RIF1: variants seen among roughly 807,000 people sequenced by gnomAD.
RIF1 encodes the protein telomere-associated protein RIF1.
A neutral mutation model predicts 247.1 loss-of-function variants in RIF1; 45 were observed. The observed-to-expected ratio is 0.18, with a 90% CI of 0.14 to 0.23. The LOEUF (loss-of-function observed/expected upper bound fraction) is 0.23. RIF1 is among the 10% of genes least tolerant of loss of function. The pLI, the probability that RIF1 is intolerant of heterozygous loss-of-function variation, is 1.00. For synonymous variants in RIF1, 1,087 were observed against 978.8 expected (o/e 1.11, Z -2.06); for missense variants, 2,967 against 2,862.5 (o/e 1.04, Z -0.83).
intron 26 of RIF1, among the ~76,000 whole-genome samples, chr2:151,460,354 C>A (rs559943248): frequency 6.6e-6 from 1 of 152,286 alleles, no homozygotes; most frequent in South Asian, 2.1e-4. Flanking sequence ...GCAACTGTTA[C>A]ATGTAGTTAT....
downstream of RIF1, chr2:151,485,468 T>C: frequency 4.0e-6 from 1 of 251,050 alleles, no homozygotes; most frequent in Non-Finnish European, 7.5e-6. Context: ...TATTTTTCCT[T>C]TAATGTGTTT....
chr2:151,415,915 G>C (rs1687148052), intron 4 of RIF1, among the ~76,000 whole-genome samples: 1 of 152,112 alleles, frequency 6.6e-6, no homozygotes, highest in East Asian at 1.9e-4. Flanking sequence ...CATGATTGCT[G>C]TAAAAAGGGA....
At chr2:151,456,687 T>C in intron 23 of RIF1, 67 bp downstream of exon 23, 1 of 928,858 alleles carries the variant, frequency 1.1e-6, no homozygotes, top group Non-Finnish European at 1.6e-6. Context: ...TTAGATAATT[T>C]TCTTAAACAT....
the RIF1 span, chr2:151,534,323 C>G: frequency 6.2e-7 from 1 of 1,610,846 alleles, no homozygotes; most frequent in Non-Finnish European, 8.5e-7. Context: ...ATTTTTTCTG[C>G]TCAAACATCA....
Position 151,434,181 on chromosome 2 carries a change from AAG to A in RIF1, c.1077+959_1077+960del, listed in dbSNP as rs890005475. On this transcript the variant is annotated intron_variant, in intron 10 of 35. Transcript: ENST00000444746. Reference sequence around the variant, plus strand: ...AGACTCCATCTCAAAAAAAAAAAAAAAGAGAGAAATCAAGTGCTACACTGGGT... The same window carrying A: ...AGACTCCATCTCAAAAAAAAAAAAAAAGAGAAATCAAGTGCTACACTGGGT... 1.3e-4 allele frequency among the ~76,000 whole-genome samples: 19 copies of A among 147,320 alleles called. No individual in the cohort carries two copies. The South Asian group carries it at 1.7e-3, about 13-fold the overall frequency.
chr2:151,410,134 C>T, intron 1 of RIF1, 101 bp downstream of exon 1: 1 of 680,058 alleles, frequency 1.5e-6, no homozygotes, highest in Non-Finnish European at 2.7e-6. Context: ...CCGGGCTTCT[C>T]CCGCCCTCCG....
rs967532918 is a variant in RIF1, at chr2:151,478,193, T to C, written c.*3122T>C. 8 of 152,168 alleles carry C rather than the reference T, an allele frequency of 5.3e-5. No homozygotes were observed. Among genetic ancestry groups the C allele is most frequent in the Non-Finnish European group, 1.0e-4 (7 of 68,032 alleles). 9.4% of individuals were successfully genotyped at this position (152,168 alleles called of 1,614,324 possible). A position where few individuals can be genotyped will look rare whatever the true frequency, so the allele number is the denominator to read the frequency against. On this transcript the variant is annotated 3_prime_UTR_variant, in exon 36 of 36. Coordinates refer to ENST00000444746, the MANE Select transcript of RIF1 (RefSeq NM_018151.5). ...GGATGAATCAGGTTAAATAATGCTG[T>C]TGGATAATACAGGCAAAAACAGGAT...
In RIF1 at chr2:151,479,596, CATT is replaced by C. The variant is rs2049083444; in HGVS notation, c.*4528_*4530del. 6.6e-6 allele frequency: 1 copy of C among 152,116 alleles called. No individual in the cohort carries two copies. The highest frequency in any genetic ancestry group is 6.5e-5 in the Admixed American group (1 of 15,278). 9.4% of individuals were successfully genotyped at this position (152,116 alleles called of 1,614,324 possible). A position where few individuals can be genotyped will look rare whatever the true frequency, so the allele number is the denominator to read the frequency against. ...AGTCAGTCTAGCAGATATGCCCTGT[CATT>C]ATACTGCGGACCTCTGGTCACTTAA... On this transcript the variant is annotated 3_prime_UTR_variant, in exon 36 of 36. Transcript: ENST00000444746.
At chr2:151,482,681 C>T (rs183110573), downstream of RIF1, among the ~76,000 whole-genome samples, 21 of 152,282 alleles carry the variant, frequency 1.4e-4, no homozygotes, top group African/African-American at 4.6e-4. Context: ...ACAACAACAA[C>T]AATTAGGGTA....
In RIF1 at chr2:151,455,178, G is replaced by T. The variant is rs749449718; in HGVS notation, c.2609+19G>T. 2.5e-6 allele frequency: 4 copies of T among 1,575,922 alleles called. No individual in the cohort carries two copies. In the Admixed American group the frequency reaches 5.4e-5, roughly 21 times the overall value. On this transcript the variant is annotated intron_variant, in intron 22 of 35. Coordinates refer to ENST00000444746, the MANE Select transcript of RIF1 (RefSeq NM_018151.5). ...ACTCAAAGTAAGTATTTTGGACTAA[G>T]TAGCTTTGAATTAAATGTATACAAT... is the stretch of plus-strand genomic sequence containing the variant.
At chr2:151,456,446 C>T in intron 22 of RIF1, 132 bp from the exon 23 acceptor site, 1 of 545,530 alleles carries the variant, frequency 1.8e-6, no homozygotes, top group Non-Finnish European at 3.2e-6. Flanking sequence ...CTTGTTAAGT[C>T]TTTGGGCACC....
chr2:151,485,908 T>TC (rs1242654062), downstream of RIF1: 3 of 1,613,788 alleles, frequency 1.9e-6, no homozygotes, highest in Non-Finnish European at 2.5e-6. Context: ...AGCAGCCATA[T>TC]AGTCATACAT....
intron 9 of RIF1, chr2:151,490,157 G>A (rs915096660): frequency 3.2e-6 from 4 of 1,243,038 alleles, no homozygotes; most frequent in Non-Finnish European, 4.5e-6. Context: ...GCTGAGTGAT[G>A]TCTTTTTCCC....
chr2:151,454,741 C>T lies in RIF1; in HGVS notation c.2345-154C>T, dbSNP rs542629763. Among the ~76,000 whole-genome samples the T allele has an allele frequency of 2.6e-5, 4 of 152,174 alleles. No individual in the cohort carries two copies. The South Asian group carries it at 8.3e-4, about 32-fold the overall frequency. On this transcript the variant is annotated intron_variant, in intron 21 of 35. Coordinates refer to ENST00000444746, the MANE Select transcript of RIF1 (RefSeq NM_018151.5). Reference sequence around the variant, plus strand: ...TAGTGATACTTATCCATTAATGGTACATTATGTTATGATTTGTTTGGGGTG... The same window carrying T: ...TAGTGATACTTATCCATTAATGGTATATTATGTTATGATTTGTTTGGGGTG...
chr2:151,502,845 G>T (rs747960478), intron 11 of RIF1: 4 of 1,608,376 alleles, frequency 2.5e-6, no homozygotes, highest in Non-Finnish European at 3.4e-6. Context: ...TGGAGTGATA[G>T]GTGTTGGGAT....
At chr2:151,517,956 G>A in the RIF1 span, among the ~76,000 whole-genome samples, 2 of 152,038 alleles carry the variant, frequency 1.3e-5, no homozygotes, top group Admixed American at 6.6e-5. Flanking sequence ...AGACCTGATC[G>A]TATCACTTCT....
chr2:151,514,808 TG>T, the RIF1 span: 1 of 1,533,826 alleles, frequency 6.5e-7, no homozygotes, highest in East Asian at 2.4e-5. Flanking sequence ...AAAGACCAAG[TG>T]GGCACTACCT....
chr2:151,462,288 A>G lies in RIF1; in HGVS notation c.3274A>G (p.Thr1092Ala), dbSNP rs1250416706. The G allele has an allele frequency of 1.3e-6, 2 of 1,589,730 alleles. No individual in the cohort carries two copies. Among genetic ancestry groups the G allele is most frequent in the African/African-American group, 2.7e-5 (2 of 74,634 alleles). The stretch of plus-strand genomic sequence containing the variant: ...TAATAATCTGGATGTTTCCCAAGAT[A>G]CCTTATTTACTCAGTATAGTCAGGA... ...MYNNLDVSQD[T>A]LFTQYSQEEP... Residue 1092 changes from threonine to alanine, a missense_variant, in exon 28 of 36, where the codon ACC becomes GCC. Coordinates refer to ENST00000444746, the MANE Select transcript of RIF1 (RefSeq NM_018151.5).
At chr2:151,451,733 T>C in intron 21 of RIF1, 28 bp downstream of exon 21, 1 of 1,177,868 alleles carries the variant, frequency 8.5e-7, no homozygotes, top group Non-Finnish European at 1.3e-6. Context: ...AACCTTTGTT[T>C]GTCCAGTATT....
Sources: gnomAD v4.1 joint callset for allele counts (sites outside exome capture counted in the v4.1 genomes callset) on GRCh38, gnomAD v4.1.1 for gene constraint, MANE v1.5 for transcripts, NCBI Gene and HGNC (gene_info 2026-07-23, HGNC 2026-07-21) for gene names.